Variants in ADGRL3 observed in about 807,000 individuals in gnomAD.
ADGRL3 encodes the protein adhesion G protein-coupled receptor L3.
In ADGRL3, 62 loss-of-function variants were observed where a neutral mutation model predicts 153.5. The ratio of observed to expected loss-of-function variants is 0.40; its 90% CI spans 0.33 to 0.50. ADGRL3 has a LOEUF of 0.50. Ranked by LOEUF, ADGRL3 falls within the 20% of genes least tolerant of loss-of-function variation. ADGRL3 has a pLI of 0.47. For missense variants in ADGRL3, 1,641 were observed against 1,859.4 expected, an observed-to-expected ratio of 0.88 and a Z score of 2.16; for synonymous variants, 710 against 672.5, an observed-to-expected ratio of 1.06 and a Z score of -0.86.
chr4:61,981,591 T>C (rs1162395985), intron 18 of ADGRL3, among the ~76,000 whole-genome samples: 1 of 151,468 alleles, frequency 6.6e-6, no homozygotes, highest in African/African-American at 2.4e-5. Flanking sequence ...AAACAGAAAA[T>C]ATAAATAATA....
intron 8 of ADGRL3, among the ~76,000 whole-genome samples, chr4:61,780,767 A>C (rs2097204653): frequency 6.6e-6 from 1 of 152,146 alleles, no homozygotes; most frequent in South Asian, 2.1e-4. Context: ...GCCAGCATGA[A>C]TGGCACTCAG....
intron 2 of ADGRL3, among the ~76,000 whole-genome samples, chr4:61,413,347 A>T (rs568566870): frequency 1.3e-5 from 2 of 152,042 alleles, no homozygotes; most frequent in African/African-American, 4.8e-5. Flanking sequence ...TTACACCAGC[A>T]TCTTAGGAAG....
chr4:61,674,638 C>T (rs1198511077), intron 5 of ADGRL3, among the ~76,000 whole-genome samples: 1 of 151,616 alleles, frequency 6.6e-6, no homozygotes, highest in Non-Finnish European at 1.5e-5. Flanking sequence ...TGAATGTGTT[C>T]CTGATAATTG....
intron 1 of ADGRL3, among the ~76,000 whole-genome samples, chr4:61,346,245 T>C (rs1428639379): frequency 6.6e-6 from 1 of 151,510 alleles, no homozygotes; most frequent in African/African-American, 2.4e-5. Context: ...ATTGAGTCTC[T>C]CTCTCTCTCT....
intron 8 of ADGRL3, 70 bp downstream of exon 8, chr4:61,733,624 G>C (rs977779731): frequency 1.7e-6 from 2 of 1,149,728 alleles, no homozygotes; most frequent in Non-Finnish European, 2.5e-6. Flanking sequence ...TTCATTTTAT[G>C]TTTTTATTAA....
At chr4:61,239,875 G>A (rs1754253479) in intron 1 of ADGRL3, among the ~76,000 whole-genome samples, 1 of 152,004 alleles carries the variant, frequency 6.6e-6, no homozygotes, top group South Asian at 2.1e-4. Context: ...GAAAGAATTG[G>A]CTATGATGTT....
Position 61,641,769 on chromosome 4 carries a change from C to G in ADGRL3, c.474-35057C>G, listed in dbSNP as rs1274152229. On this transcript the variant is annotated intron_variant, in intron 5 of 26. Transcript: ENST00000683033. ...CATACGTGTGCATGTGTCTTTATAGCAGCATGATTTATAGTCCTTCGGGTA... is the reference window on the plus strand; with the variant it reads ...CATACGTGTGCATGTGTCTTTATAGGAGCATGATTTATAGTCCTTCGGGTA... 8.7e-4 allele frequency among the ~76,000 whole-genome samples: 131 copies of G among 151,196 alleles called. 2 individuals are homozygous for G. The highest frequency in any genetic ancestry group is 3.1e-3 in the African/African-American group (128 of 41,252).
At position 62,070,942 on chromosome 4, in the gene ADGRL3, C is replaced by T. The variant is rs1745481868; in HGVS notation, c.*34C>T. The T allele has an allele frequency of 8.1e-6, 12 of 1,487,994 alleles. No homozygotes were observed. Among genetic ancestry groups the T allele is most frequent in the Non-Finnish European group, 1.1e-5 (12 of 1,105,082 alleles). 92.2% of individuals were successfully genotyped at this position (1,487,994 alleles called of 1,614,324 possible). A position where few individuals can be genotyped will look rare whatever the true frequency, so the allele number is the denominator to read the frequency against. On this transcript the variant is annotated 3_prime_UTR_variant, in exon 27 of 27. Coordinates refer to ENST00000683033, the MANE Select transcript of ADGRL3 (RefSeq NM_001387552.1). ...ACAGAAATTGGAACCAACAAAACTG[C>T]TAACACCTTGTTGACTGTTCTGAGT...
intron 5 of ADGRL3, among the ~76,000 whole-genome samples, chr4:61,660,931 T>C (rs1327411811): frequency 2.0e-5 from 3 of 152,118 alleles, no homozygotes; most frequent in Non-Finnish European, 4.4e-5. Flanking sequence ...TTATACCTTT[T>C]CAAATAACTT....
At position 61,946,918 on chromosome 4, in the gene ADGRL3, G is replaced by A; in HGVS notation, c.2424G>A (p.Glu808=). Reference sequence around the variant, plus strand: ...CAGAGTTTGCATTTACTTTAGGAGAGATCAGAGTGGCCTTTGTCCTGTATA... The same window carrying A: ...CAGAGTTTGCATTTACTTTAGGAGAAATCAGAGTGGCCTTTGTCCTGTATA... The part of the protein sequence containing the change: ...NTLKQNGRNG[E]IRVAFVLYNN... Residue 808 remains glutamate, a synonymous_variant, in exon 16 of 27, where the codon GAG becomes GAA. Coordinates refer to ENST00000683033, the MANE Select transcript of ADGRL3 (RefSeq NM_001387552.1). The A allele has an allele frequency of 6.2e-7, 1 of 1,613,100 alleles. No individual in the cohort carries two copies. Among genetic ancestry groups the A allele is most frequent in the Non-Finnish European group, 8.5e-7 (1 of 1,179,112 alleles).
intron 4 of ADGRL3, among the ~76,000 whole-genome samples, chr4:61,560,385 T>G (rs553968027): frequency 6.6e-6 from 1 of 152,198 alleles, no homozygotes; most frequent in African/African-American, 2.4e-5. Context: ...AAAGTAGAAA[T>G]TGTAAAAAAG....
intron 9 of ADGRL3, among the ~76,000 whole-genome samples, chr4:61,861,292 G>C (rs907721132): frequency 3.3e-5 from 5 of 152,088 alleles, no homozygotes; most frequent in Non-Finnish European, 7.4e-5. Context: ...AATTGCACAG[G>C]GTGTTGTGAA....
chr4:61,378,227 T>C (rs111390824), intron 1 of ADGRL3, among the ~76,000 whole-genome samples: 25 of 152,016 alleles, frequency 1.6e-4, no homozygotes, highest in African/African-American at 5.6e-4. Flanking sequence ...CCTAATTTGT[T>C]AAATGACTGG....
chr4:61,693,451 A>C (rs1252572039), intron 6 of ADGRL3, among the ~76,000 whole-genome samples: 1 of 152,088 alleles, frequency 6.6e-6, no homozygotes, highest in Non-Finnish European at 1.5e-5. Context: ...GATCCCTAAA[A>C]TCAGTATTAT....
At chr4:61,607,647 T>C (rs1269395545) in intron 5 of ADGRL3, among the ~76,000 whole-genome samples, 2 of 152,144 alleles carry the variant, frequency 1.3e-5, no homozygotes, top group Non-Finnish European at 1.5e-5. Flanking sequence ...TGATATTACC[T>C]ACAATTGAAG....
At chr4:61,776,378 A>G (rs941153513) in intron 8 of ADGRL3, among the ~76,000 whole-genome samples, 1 of 152,196 alleles carries the variant, frequency 6.6e-6, no homozygotes, top group South Asian at 2.1e-4. Flanking sequence ...TTTTACTACT[A>G]AAACAAGATA....
intron 8 of ADGRL3, among the ~76,000 whole-genome samples, chr4:61,773,367 A>G (rs2097108247): frequency 6.6e-6 from 1 of 152,198 alleles, no homozygotes; most frequent in African/African-American, 2.4e-5. Flanking sequence ...TCTTTTTCCT[A>G]GTACTATTGT....
At chr4:61,736,844 A>G (rs1399771091) in intron 8 of ADGRL3, among the ~76,000 whole-genome samples, 2 of 152,198 alleles carry the variant, frequency 1.3e-5, no homozygotes, top group African/African-American at 4.8e-5. Flanking sequence ...ATTTGTCAGT[A>G]TAATCACAAA....
intron 25 of ADGRL3, among the ~76,000 whole-genome samples, chr4:62,052,859 C>T (rs1197548614): frequency 6.6e-6 from 1 of 151,114 alleles, no homozygotes; most frequent in Non-Finnish European, 1.5e-5. Context: ...CAGGACAATA[C>T]AGTAATGCCT....
Sources: allele counts gnomAD v4.1 joint callset (sites outside exome capture counted in the v4.1 genomes callset), GRCh38; gene constraint gnomAD v4.1.1; transcripts MANE v1.5; gene names NCBI Gene and HGNC (gene_info 2026-07-23, HGNC 2026-07-21).